Variants in ITPR1 observed in about 807,000 individuals in gnomAD.
ITPR1 encodes inositol 1,4,5-trisphosphate-gated calcium channel ITPR1.
Under a neutral mutation model 318.4 loss-of-function variants are expected in ITPR1, and 96 were observed. The ratio of observed to expected loss-of-function variants is 0.30; its 90% confidence interval spans 0.26 to 0.36. The LOEUF (loss-of-function observed/expected upper bound fraction) is 0.36, where lower values mean the gene tolerates loss of function less well. Ranked by LOEUF, ITPR1 falls within the 10% of genes least tolerant of loss-of-function variation. The pLI is 1.00. For missense variants in ITPR1, 2,440 were observed against 3,460.2 expected (o/e 0.71, Z 7.40); for synonymous variants, 1,312 against 1,289.9 (o/e 1.02, Z -0.37).
At chr3:4,715,433 G>A (rs974762079) in intron 39 of ITPR1, among the ~76,000 whole-genome samples, 1 of 152,214 alleles carries the variant, frequency 6.6e-6, no homozygotes, top group African/African-American at 2.4e-5. Flanking sequence ...TTTACAAAGT[G>A]TGATTGTCCC....
intron 4 of ITPR1, among the ~76,000 whole-genome samples, chr3:4,537,208 G>A (rs1215474373): frequency 3.3e-5 from 5 of 152,090 alleles, no homozygotes; most frequent in African/African-American, 4.8e-5. Flanking sequence ...GTGTAATATT[G>A]GAATTATCTG....
intron 30 of ITPR1, among the ~76,000 whole-genome samples, chr3:4,688,172 C>T (rs150912012): frequency 1.3e-5 from 2 of 152,290 alleles, no homozygotes; most frequent in East Asian, 3.9e-4. Flanking sequence ...GTATGAGCCA[C>T]TGTGCCCAGC....
chr3:4,782,868 CT>C, intron 50 of ITPR1, 127 bp downstream of exon 50: 23 of 872,178 alleles, frequency 2.6e-5, no homozygotes, highest in Non-Finnish European at 3.6e-5. Flanking sequence ...ACTCATGAGC[CT>C]GCGGCTCACA....
intron 39 of ITPR1, among the ~76,000 whole-genome samples, chr3:4,714,013 T>C (rs530813991): frequency 2.6e-5 from 4 of 152,308 alleles, no homozygotes; most frequent in African/African-American, 7.2e-5. Flanking sequence ...TTCCTATTAA[T>C]TGAGCTTCAA....
intron 4 of ITPR1, among the ~76,000 whole-genome samples, chr3:4,621,485 G>A (rs140255575): frequency 1.3e-3 from 200 of 152,202 alleles, no homozygotes; most frequent in Non-Finnish European, 2.4e-3. Context: ...CTCCAAACTG[G>A]GGATTACAAT....
chr3:4,818,245 G>A lies in ITPR1; in HGVS notation c.8028+3G>A. Reference sequence around the variant, plus strand: ...GTTACGTGGCAGAAATGATCAAGGTGAGTGGAAAGGCCTCCTGGGAGCAAG... The same window carrying A: ...GTTACGTGGCAGAAATGATCAAGGTAAGTGGAAAGGCCTCCTGGGAGCAAG... On this transcript the variant is annotated splice_donor_region_variant and intron_variant, in intron 60 of 61. Coordinates refer to ENST00000649015, the MANE Select transcript of ITPR1 (RefSeq NM_001378452.1). The A allele has an allele frequency of 6.4e-7, 1 of 1,562,676 alleles. No individual in the cohort carries two copies. Among genetic ancestry groups the A allele is most frequent in the Non-Finnish European group, 8.8e-7 (1 of 1,141,410 alleles).
At chr3:4,840,099 C>T (rs1457531328) in intron 61 of ITPR1, among the ~76,000 whole-genome samples, 1 of 128,704 alleles carries the variant, frequency 7.8e-6, no homozygotes, top group Non-Finnish European at 1.6e-5. Flanking sequence ...AGGAAGTAGT[C>T]AGTGTTTTCT....
At chr3:4,682,767 G>A (rs2094324491) in intron 26 of ITPR1, among the ~76,000 whole-genome samples, 1 of 152,160 alleles carries the variant, frequency 6.6e-6, no homozygotes, top group Non-Finnish European at 1.5e-5. Flanking sequence ...TTATTAGCCA[G>A]CAACCAGGAA....
chr3:4,834,959 A>C (rs933126486), intron 60 of ITPR1, among the ~76,000 whole-genome samples: 4 of 152,180 alleles, frequency 2.6e-5, no homozygotes, highest in African/African-American at 9.7e-5. Flanking sequence ...CTTACTACTT[A>C]AGCATTTGTT....
chr3:4,738,400 T>C (rs1379154657), intron 44 of ITPR1, among the ~76,000 whole-genome samples: 1 of 152,146 alleles, frequency 6.6e-6, no homozygotes, highest in East Asian at 1.9e-4. Flanking sequence ...ACCCTGTCAC[T>C]CCTTGCACCA....
intron 60 of ITPR1, among the ~76,000 whole-genome samples, chr3:4,835,753 C>A (rs753751691): frequency 1.3e-5 from 2 of 152,128 alleles, no homozygotes; most frequent in Non-Finnish European, 2.9e-5. Flanking sequence ...CTTATGTATG[C>A]GGCATGCTCT....
Position 4,800,558 on chromosome 3 carries a change from A to G in ITPR1, c.7065A>G (p.Ser2355=). Reference sequence around the variant, plus strand: ...CCACAATTCTACGACTGATATTTTCAGTCGGGTTACAACCCACGTTGTTTC... The same window carrying G: ...CCACAATTCTACGACTGATATTTTCGGTCGGGTTACAACCCACGTTGTTTC... ...IASTILRLIF[S]VGLQPTLFLL... Residue 2355 remains serine, a synonymous_variant, in exon 54 of 62, where the codon TCA becomes TCG. Transcript: ENST00000649015. 4 of 1,614,074 alleles carry G rather than the reference A, an allele frequency of 2.5e-6. No homozygotes were observed. The highest frequency in any genetic ancestry group is 3.4e-6 in the Non-Finnish European group (4 of 1,179,904).
chr3:4,600,805 C>T (rs1046958190), intron 4 of ITPR1, among the ~76,000 whole-genome samples: 1 of 152,086 alleles, frequency 6.6e-6, no homozygotes, highest in South Asian at 2.1e-4. Flanking sequence ...ACAAGGGCGA[C>T]TCCCACAGAA....
At position 4,711,864 on chromosome 3, in the gene ITPR1, A is replaced by C; in HGVS notation, c.5099A>C (p.Glu1700Ala). 1 of 1,461,592 alleles carries C rather than the reference A, an allele frequency of 6.8e-7. No homozygotes were observed. Among genetic ancestry groups the C allele is most frequent in the South Asian group, 1.3e-5 (1 of 77,478 alleles). The allele number at this position is 1,461,592 out of a possible 1,614,324, so 90.5% of individuals were successfully genotyped here. Reference protein sequence around the residue: ...EMMTKDRGYGEKLISIDELDN... With the variant: ...EMMTKDRGYGAKLISIDELDN... ...ATGACCAAAGATAGAGGCTATGGAG[A>C]AAAGGTACTGCATTTTATTTTCATG... The change falls in exon 39 of 62, where the codon GAA (glutamate) becomes GCA (alanine). Residue 1700 changes from glutamate (E) to alanine (A), a missense_variant. Glu to Ala is a moderately radical substitution (Grantham distance 107). Coordinates refer to ENST00000649015, the MANE Select transcript of ITPR1 (RefSeq NM_001378452.1).
chr3:4,782,189 C>T (rs1230598662), intron 49 of ITPR1, among the ~76,000 whole-genome samples: 1 of 152,170 alleles, frequency 6.6e-6, no homozygotes, highest in African/African-American at 2.4e-5. Flanking sequence ...CCAGCTATTC[C>T]TAAATGTGAA....
At chr3:4,770,424 C>G (rs1450675146) in intron 46 of ITPR1, among the ~76,000 whole-genome samples, 1 of 152,196 alleles carries the variant, frequency 6.6e-6, no homozygotes, top group Non-Finnish European at 1.5e-5. Context: ...AGAACCTCAA[C>G]TTTGAAAAAG....
Position 4,815,364 on chromosome 3 carries a change from C to A in ITPR1, c.7867+146C>A, listed in dbSNP as rs1490654647. ...TGCTGCTTCGTCTTGACTCTTCTAC[C>A]CTCTGCCGTGAGTGAGGCTCTCCTT... On this transcript the variant is annotated intron_variant, in intron 59 of 61. Coordinates refer to ENST00000649015, the MANE Select transcript of ITPR1 (RefSeq NM_001378452.1). 7.4e-6 allele frequency: 5 copies of A among 680,230 alleles called. No homozygotes were observed. In the East Asian group the frequency reaches 1.4e-4, roughly 19 times the overall value. 42.1% of individuals were successfully genotyped at this position (680,230 alleles called of 1,614,324 possible).
chr3:4,691,228 T>C lies in ITPR1; in HGVS notation c.3913T>C (p.Phe1305Leu). The C allele has an allele frequency of 6.2e-7, 1 of 1,613,262 alleles. No homozygotes were observed. The highest frequency in any genetic ancestry group is 8.5e-7 in the Non-Finnish European group (1 of 1,179,362). ...GATCAACGAGAGAGTTGTTCAGCAC[T>C]TCGTTCACTGCATAGAGACTCACGG... ...SEINERVVQHFVHCIETHGRN... is the reference protein window; with the variant it reads ...SEINERVVQHLVHCIETHGRN... The change falls in exon 32 of 62, where the codon TTC becomes CTC. Residue 1305 changes from phenylalanine (F) to leucine (L), a missense_variant. Phe to Leu is a conservative substitution (Grantham distance 22, BLOSUM62 0). Around this residue, in one of 23 missense-constraint regions of ITPR1, gnomAD observed 222 missense variants for 318.8 expected, o/e 0.70. Coordinates refer to ENST00000649015, the MANE Select transcript of ITPR1 (RefSeq NM_001378452.1).
intron 51 of ITPR1, among the ~76,000 whole-genome samples, chr3:4,785,072 CTT>C (rs971414220): frequency 6.6e-6 from 1 of 152,178 alleles, no homozygotes; most frequent in Non-Finnish European, 1.5e-5. Flanking sequence ...GAAAATGTGA[CTT>C]AAATTCTTTC....
Sources: allele counts gnomAD v4.1 joint callset (sites outside exome capture counted in the v4.1 genomes callset), GRCh38; gene constraint gnomAD v4.1.1; regional missense constraint gnomAD v4.1.1; transcripts MANE v1.5; gene names NCBI Gene and HGNC (gene_info 2026-07-23, HGNC 2026-07-21).